The following TRAK1 variants were observed in gnomAD, a reference collection of about 807,000 sequenced individuals.
TRAK1 encodes trafficking kinesin protein 1.
In TRAK1, 33 loss-of-function variants were observed where a neutral mutation model predicts 92.1. The observed-to-expected ratio is 0.36, with a 90% CI of 0.27 to 0.48. The LOEUF is 0.48. Among genes scored for constraint, TRAK1 ranks in the 20% least tolerant of loss-of-function variants. TRAK1 has a pLI of 0.99. For missense variants in TRAK1, 1,123 were observed against 1,257.9 expected (o/e 0.89, Z 1.62); for synonymous variants, 521 against 517.3 (o/e 1.01, Z -0.10).
intron 12 of TRAK1, among the ~76,000 whole-genome samples, chr3:42,201,861 C>G (rs13059721): frequency 2.7e-4 from 30 of 113,182 alleles, no homozygotes; most frequent in South Asian, 6.0e-4. Context: ...CCTGGACGGA[C>G]GGACGGACGG....
chr3:42,166,462 C>G (rs1027185036), intron 2 of TRAK1, among the ~76,000 whole-genome samples: 1 of 152,164 alleles, frequency 6.6e-6, no homozygotes, highest in African/African-American at 2.4e-5. Flanking sequence ...CAGCATCTAG[C>G]AAACCTGCTC....
In TRAK1 at chr3:42,209,849, C is replaced by T; in HGVS notation, c.1827C>T (p.Thr609=). The change falls in exon 14 of 16, where the codon ACC becomes ACT. Residue 609 remains threonine, a synonymous_variant. Transcript: ENST00000327628. ...GILDPRPGVV[T]KGFRTLDVDL... ...TGGACCCCCGGCCCGGTGTGGTCAC[C>T]AAGGGCTTCCGGACGCTGGATGTTG... 6.2e-7 allele frequency: 1 copy of T among 1,614,208 alleles called. No individual in the cohort carries two copies. The highest frequency in any genetic ancestry group is 8.5e-7 in the Non-Finnish European group (1 of 1,180,040).
chr3:42,123,961 A>G (rs1710242585), intron 1 of TRAK1, among the ~76,000 whole-genome samples: 1 of 152,078 alleles, frequency 6.6e-6, no homozygotes, highest in South Asian at 2.1e-4. Context: ...TGGGCAACAT[A>G]GGGACCTTGT....
chr3:42,046,883 C>T (rs534459230), intron 1 of TRAK1, among the ~76,000 whole-genome samples: 179 of 152,184 alleles, frequency 1.2e-3, no homozygotes, highest in Non-Finnish European at 2.2e-3. Flanking sequence ...TTCTGGATTT[C>T]ATGAGCTTTG....
intron 2 of TRAK1, among the ~76,000 whole-genome samples, chr3:42,165,730 C>A (rs969196870): frequency 6.6e-6 from 1 of 152,080 alleles, no homozygotes; most frequent in African/African-American, 2.4e-5. Flanking sequence ...ACTGACCTGG[C>A]GCATCAGTAC....
intron 1 of TRAK1, among the ~76,000 whole-genome samples, chr3:42,055,157 T>G (rs1703148735): frequency 6.6e-6 from 1 of 152,014 alleles, no homozygotes; most frequent in Non-Finnish European, 1.5e-5. Flanking sequence ...TGACCTCAAG[T>G]GGTCTGTCCT....
intron 1 of TRAK1, among the ~76,000 whole-genome samples, chr3:42,030,632 C>T (rs1576125779): frequency 7.4e-6 from 1 of 134,742 alleles, no homozygotes; most frequent in East Asian, 2.1e-4. Flanking sequence ...AAGATTGCAC[C>T]ACTGCACTGC....
chr3:42,184,841 A>G (rs1362455981), intron 4 of TRAK1, 40 bp downstream of exon 4: 1 of 1,587,828 alleles, frequency 6.3e-7, no homozygotes, highest in South Asian at 1.1e-5. Flanking sequence ...GGGGCCCGCC[A>G]CAGGCCTGGG....
chr3:42,030,372 A>ATATAT (rs1553701574), intron 1 of TRAK1, among the ~76,000 whole-genome samples: 49 of 132,318 alleles, frequency 3.7e-4, no homozygotes, highest in African/African-American at 1.3e-3. Context: ...TAAAAAAAAA[A>ATATAT]ATATATATAT....
chr3:42,191,565 A>C lies in TRAK1; in HGVS notation c.698A>C (p.Gln233Pro). The C allele has an allele frequency of 6.3e-7, 1 of 1,595,100 alleles. No homozygotes were observed. Among genetic ancestry groups the C allele is most frequent in the Non-Finnish European group, 8.5e-7 (1 of 1,170,450 alleles). The change falls in exon 7 of 16, where the codon CAG (glutamine) becomes CCG (proline). Residue 233 changes from glutamine (Q) to proline (P), a missense_variant. Gln to Pro is a moderately conservative substitution (Grantham distance 76). Coordinates refer to ENST00000327628, the MANE Select transcript of TRAK1 (RefSeq NM_001042646.3). ...ENVVLRSEAS[Q>P]LKTETITYEE... is the part of the protein sequence containing the mutation. ...CCTGGGTCTTGTCTACAGGCCAGCC[A>C]GCTGAAGACAGAGACCATCACCTAT...
intron 1 of TRAK1, among the ~76,000 whole-genome samples, chr3:42,057,191 G>A (rs1334952176): frequency 6.6e-6 from 1 of 152,204 alleles, no homozygotes; most frequent in Non-Finnish European, 1.5e-5. Flanking sequence ...GGGCTGTCCA[G>A]TGCTACTTTG....
chr3:42,218,166 T>A, intron 14 of TRAK1: 1 of 985,426 alleles, frequency 1.0e-6, no homozygotes, highest in Non-Finnish European at 1.2e-6. Context: ...CTACCTTTAA[T>A]CTGTGTCTCC....
Position 42,223,422 on chromosome 3 carries a change from G to T in TRAK1, c.2547G>T (p.Arg849Ser), listed in dbSNP as rs988770243. Residue 849 changes from arginine to serine, a missense_variant, in exon 16 of 16, where the codon AGG becomes AGT. Coordinates refer to ENST00000327628, the MANE Select transcript of TRAK1 (RefSeq NM_001042646.3). The surrounding 1 kb of genome is among the most constrained non-coding windows in gnomAD (Gnocchi z 6.1). ...TCAACCTCGTGGACAAAGTCAGGAGGTTTGGGGTGGCCAAAGTGGTGAACT... is the reference window on the plus strand; with the variant it reads ...TCAACCTCGTGGACAAAGTCAGGAGTTTTGGGGTGGCCAAAGTGGTGAACT... ...SNLNLVDKVR[R>S]FGVAKVVNSG... 3 of 1,614,062 alleles carry T rather than the reference G, an allele frequency of 1.9e-6. No homozygotes were observed. The highest frequency in any genetic ancestry group is 2.7e-5 in the African/African-American group (2 of 74,950).
chr3:42,102,203 C>T (rs1046550025), intron 1 of TRAK1, among the ~76,000 whole-genome samples: 1 of 152,214 alleles, frequency 6.6e-6, no homozygotes, highest in Non-Finnish European at 1.5e-5. Context: ...CCAGGCTGGT[C>T]TCGAACTCCT....
At chr3:42,216,291 G>A (rs1709679145) in intron 14 of TRAK1, among the ~76,000 whole-genome samples, 1 of 152,154 alleles carries the variant, frequency 6.6e-6, no homozygotes. Context: ...CAGGGAGTAG[G>A]GGCCGTGTCA....
chr3:42,016,233 G>A (rs1310741792), intron 1 of TRAK1, among the ~76,000 whole-genome samples: 1 of 151,342 alleles, frequency 6.6e-6, no homozygotes, highest in East Asian at 1.9e-4. Context: ...GAGTCAGAGT[G>A]TCGCTCTGTC....
chr3:42,038,394 A>AGCTT lies in TRAK1; in HGVS notation c.-519+24278_-519+24281dup, dbSNP rs759170393. On this transcript the variant is annotated intron_variant, in intron 1 of 16. Coordinates refer to the TRAK1 transcript ENST00000487159. ...GGTTGGAGTGCAGTGGTGTGATCAC[A>AGCTT]GCTTACTGTAACCTCAACCTCTCTG... 5.9e-5 allele frequency among the ~76,000 whole-genome samples: 9 copies of AGCTT among 152,288 alleles called. No homozygotes were observed. The South Asian group carries it at 1.9e-3, about 32-fold the overall frequency.
At chr3:42,084,812 T>C (rs1042610413), upstream of TRAK1, among the ~76,000 whole-genome samples, 1 of 150,688 alleles carries the variant, frequency 6.6e-6, no homozygotes, top group Non-Finnish European at 1.5e-5. Flanking sequence ...TTTTTTTTTT[T>C]TTCCTTATGC....
At chr3:42,099,255 T>A (rs1216761562) in intron 1 of TRAK1, among the ~76,000 whole-genome samples, 1 of 151,850 alleles carries the variant, frequency 6.6e-6, no homozygotes, top group Non-Finnish European at 1.5e-5. Flanking sequence ...GGGGCGGAGT[T>A]GCTGATGGGT....
Sources: gnomAD v4.1 joint callset for allele counts (sites outside exome capture counted in the v4.1 genomes callset) on GRCh38, gnomAD v4.1.1 for gene constraint, Gnocchi (gnomAD v3.1) non-coding constraint, MANE v1.5 for transcripts, NCBI Gene and HGNC (gene_info 2026-07-23, HGNC 2026-07-21) for gene names.